MAP4K5: variants seen among roughly 807,000 people sequenced by gnomAD.
MAP4K5 encodes MAPK/ERK kinase kinase kinase 5.
A neutral mutation model predicts 135.6 loss-of-function variants in MAP4K5; 82 were observed. The observed-to-expected ratio is 0.60, with a 90% CI of 0.51 to 0.73. MAP4K5 has a LOEUF of 0.73. Ranked by LOEUF, MAP4K5 falls within the 30% of genes least tolerant of loss-of-function variation. The pLI, the probability that MAP4K5 is intolerant of heterozygous loss-of-function variation, is 0.00. For missense variants in MAP4K5, 907 were observed against 1,010.9 expected, an observed-to-expected ratio of 0.90 and a Z score of 1.39; for synonymous variants, 347 against 335.0, an observed-to-expected ratio of 1.04 and a Z score of -0.39.
chr14:50,550,484 T>C (rs1185863047), intron 1 of MAP4K5, among the ~76,000 whole-genome samples: 2 of 152,176 alleles, frequency 1.3e-5, no homozygotes, highest in African/African-American at 2.4e-5. Flanking sequence ...CCTCCCCTTG[T>C]TAAGTTGCAA....
At chr14:50,427,931 T>C (rs2035881797) in intron 30 of MAP4K5, among the ~76,000 whole-genome samples, 1 of 152,222 alleles carries the variant, frequency 6.6e-6, no homozygotes, top group South Asian at 2.1e-4. Flanking sequence ...CAAAGAATTA[T>C]GGCATATCTA....
chr14:50,527,816 A>AAAT (rs558634991), intron 2 of MAP4K5, among the ~76,000 whole-genome samples: 9 of 133,378 alleles, frequency 6.7e-5, no homozygotes, highest in African/African-American at 2.6e-4. Flanking sequence ...ATGAAAGGTA[A>AAAT]AATAATAATA....
intron 20 of MAP4K5, 59 bp downstream of exon 20, chr14:50,443,670 T>C (rs750404776): frequency 6.3e-5 from 89 of 1,401,836 alleles, no homozygotes; most frequent in Non-Finnish European, 8.3e-5. Flanking sequence ...ATAGCCAATA[T>C]ATTGCTGCTT....
chr14:50,485,454 C>T (rs995141969), intron 5 of MAP4K5, 124 bp downstream of exon 5: 2 of 633,804 alleles, frequency 3.2e-6, no homozygotes, highest in African/African-American at 1.9e-5. Flanking sequence ...TTATGCAGTG[C>T]TCCGGGAACA....
intron 12 of MAP4K5, among the ~76,000 whole-genome samples, chr14:50,463,812 G>C (rs903588929): frequency 6.8e-6 from 1 of 146,702 alleles, no homozygotes; most frequent in Non-Finnish European, 1.5e-5. Flanking sequence ...TTGATCCCAG[G>C]GGGTGGGGGT....
At chr14:50,492,660 G>A (rs2037509771) in intron 3 of MAP4K5, among the ~76,000 whole-genome samples, 1 of 151,486 alleles carries the variant, frequency 6.6e-6, no homozygotes, top group African/African-American at 2.4e-5. Context: ...ACCTATAGGA[G>A]AAACTATTTG....
At chr14:50,487,229 A>G (rs1467450963) in intron 3 of MAP4K5, among the ~76,000 whole-genome samples, 2 of 152,154 alleles carry the variant, frequency 1.3e-5, no homozygotes, top group African/African-American at 4.8e-5. Flanking sequence ...AATCGCTTGA[A>G]CCTGGGAGGC....
intron 2 of MAP4K5, among the ~76,000 whole-genome samples, chr14:50,514,772 T>A (rs2037998171): frequency 6.6e-6 from 1 of 152,184 alleles, no homozygotes. Context: ...AGAGCAAAAC[T>A]ACCTTGCATT....
chr14:50,518,488 G>T (rs1485214940), intron 2 of MAP4K5, among the ~76,000 whole-genome samples: 1 of 152,070 alleles, frequency 6.6e-6, no homozygotes, highest in Non-Finnish European at 1.5e-5. Context: ...GCGAGAACAT[G>T]CGGTGCAAAA....
intron 16 of MAP4K5, 97 bp downstream of exon 16, chr14:50,447,317 A>G (rs1312110718): frequency 2.8e-6 from 2 of 727,136 alleles, no homozygotes; most frequent in Non-Finnish European, 4.3e-6. Flanking sequence ...AACTTTTTCA[A>G]GAATGCAAAT....
At chr14:50,479,364 T>G (rs2037185437) in intron 6 of MAP4K5, among the ~76,000 whole-genome samples, 1 of 152,190 alleles carries the variant, frequency 6.6e-6, no homozygotes, top group Admixed American at 6.5e-5. Context: ...TGCCCTCAAA[T>G]TCAAATATAC....
At chr14:50,420,169 C>CA in intron 32 of MAP4K5, 63 bp from the exon 33 acceptor site, 2 of 846,388 alleles carry the variant, frequency 2.4e-6, no homozygotes, top group Non-Finnish European at 4.0e-6. Context: ...CAAATACTAA[C>CA]ATCAAACTAG....
At chr14:50,517,213 G>A (rs185405415) in intron 2 of MAP4K5, among the ~76,000 whole-genome samples, 2 of 149,944 alleles carry the variant, frequency 1.3e-5, no homozygotes, top group Non-Finnish European at 3.0e-5. Flanking sequence ...GTGCAGTGGC[G>A]TGATCTCCGC....
In MAP4K5 at chr14:50,476,233, A is replaced by G. The variant is rs1229599537; in HGVS notation, c.426+26T>C. 2.7e-6 allele frequency: 4 copies of G among 1,486,326 alleles called. No individual in the cohort carries two copies. The African/African-American group carries it at 4.2e-5, about 16-fold the overall frequency. 92.1% of individuals were successfully genotyped at this position (1,486,326 alleles called of 1,614,324 possible). On this transcript the variant is annotated intron_variant, in intron 7 of 32. Coordinates refer to ENST00000682126, the MANE Select transcript of MAP4K5 (RefSeq NM_006575.6). The stretch of plus-strand genomic sequence containing the variant: ...TAAAATTTCTTCCAATAGAATTGGC[A>G]ATTTAAATGTATTAAATGAACTTAC...
In MAP4K5 at chr14:50,504,216, A is replaced by T. The variant is rs1488210873; in HGVS notation, c.166+584T>A. 2.0e-5 allele frequency among the ~76,000 whole-genome samples: 3 copies of T among 152,088 alleles called. No homozygotes were observed. The East Asian group carries it at 5.8e-4, about 29-fold the overall frequency. On this transcript the variant is annotated intron_variant, in intron 3 of 32. Transcript: ENST00000682126. ...CCTAAGCTTATGAACCAGCAAATGAACATACCACCAAATATTCGCTTACCT... is the reference window on the plus strand; with the variant it reads ...CCTAAGCTTATGAACCAGCAAATGATCATACCACCAAATATTCGCTTACCT...
intron 9 of MAP4K5, chr14:50,472,177 A>T: frequency 6.7e-6 from 1 of 150,346 alleles, no homozygotes. Flanking sequence ...AAAAAAAAAA[A>T]GTGGTAAAGC....
rs1005735537 is a variant in MAP4K5, at chr14:50,419,332, C to A, written c.*687G>T. 2.0e-5 allele frequency: 3 copies of A among 152,122 alleles called. No individual in the cohort carries two copies. The highest frequency in any genetic ancestry group is 4.4e-5 in the Non-Finnish European group (3 of 67,990). 9.4% of individuals were successfully genotyped at this position (152,122 alleles called of 1,614,324 possible). A position where few individuals can be genotyped will look rare whatever the true frequency, so the allele number is the denominator to read the frequency against. The stretch of plus-strand genomic sequence containing the variant: ...ATCTGTAGTTGAAAACATAAGACTC[C>A]CTTTTAAGGTAATTCTGTATGAAAC... On this transcript the variant is annotated 3_prime_UTR_variant, in exon 33 of 33. Coordinates refer to ENST00000682126, the MANE Select transcript of MAP4K5 (RefSeq NM_006575.6).
chr14:50,476,169 C>T lies in MAP4K5; in HGVS notation c.428G>A (p.Gly143Asp). Residue 143 changes from glycine to aspartate, a missense_variant and splice_region_variant, in exon 8 of 33, where the codon GGT becomes GAT. By Grantham distance (94) the Gly-to-Asp change is moderately conservative. This residue lies in a region of MAP4K5 where 196 missense variants were observed against 189.3 expected (regional missense o/e 1.04). Coordinates refer to ENST00000682126, the MANE Select transcript of MAP4K5 (RefSeq NM_006575.6). ...TKGKMHRDIKGANILLTDHGD... is the reference protein window; with the variant it reads ...TKGKMHRDIKDANILLTDHGD... ...ATGGTCTGTCAATAAAATATTAGCACCCTAGAACAAAAATACAAATACAAT... is the reference window on the plus strand; with the variant it reads ...ATGGTCTGTCAATAAAATATTAGCATCCTAGAACAAAAATACAAATACAAT... 2.0e-6 allele frequency: 3 copies of T among 1,509,212 alleles called. No individual in the cohort carries two copies. The highest frequency in any genetic ancestry group is 2.7e-6 in the Non-Finnish European group (3 of 1,120,622). The allele number at this position is 1,509,212 out of a possible 1,614,324, so 93.5% of individuals were successfully genotyped here. A position where few individuals can be genotyped will look rare whatever the true frequency, so the allele number is the denominator to read the frequency against.
chr14:50,517,811 C>G (rs972226313), intron 2 of MAP4K5, among the ~76,000 whole-genome samples: 1 of 151,898 alleles, frequency 6.6e-6, no homozygotes, highest in Admixed American at 6.6e-5. Context: ...TGAAAGTGTT[C>G]GATCCAAAAC....
Sources: gnomAD v4.1 joint callset for allele counts (sites outside exome capture counted in the v4.1 genomes callset) on GRCh38, gnomAD v4.1.1 for gene constraint, gnomAD v4.1.1 regional missense constraint, MANE v1.5 for transcripts, NCBI Gene and HGNC (gene_info 2026-07-23, HGNC 2026-07-21) for gene names.